The following LONP1 variants were observed in gnomAD, a reference collection of about 807,000 sequenced individuals.
LONP1 encodes the protein lon peptidase 1, mitochondrial.
LONP1 carries 31 observed loss-of-function variants against 98.5 expected under a neutral mutation model. The observed-to-expected ratio is 0.31, with a 90% confidence interval of 0.24 to 0.42. LONP1 has a LOEUF of 0.42. LONP1 is among the 20% of genes least tolerant of loss of function. LONP1 has a pLI of 1.00. For synonymous variants in LONP1, 781 were observed against 594.7 expected, an observed-to-expected ratio of 1.31 and a Z score of -4.56; for missense variants, 1,336 against 1,350.6, an observed-to-expected ratio of 0.99 and a Z score of 0.17.
In LONP1 at chr19:5,708,309, C is replaced by T. The variant is rs755601868; in HGVS notation, c.932+33G>A. ...CTGCAGAAAGAGCTGCAGAGATGCC[C>T]CCGCCTGGCCAGCTGCCCGCACAGA... On this transcript the variant is annotated intron_variant, in intron 5 of 17. Coordinates refer to ENST00000360614, the MANE Select transcript of LONP1 (RefSeq NM_004793.4). 5 of 1,594,482 alleles carry T rather than the reference C, an allele frequency of 3.1e-6. No homozygotes were observed. In the South Asian group the frequency reaches 4.4e-5, roughly 14 times the overall value.
At chr19:5,716,262 AT>A in intron 1 of LONP1, among the ~76,000 whole-genome samples, 1 of 21,030 alleles carries the variant, frequency 4.8e-5, no homozygotes. Context: ...AAATATACAT[AT>A]ATATATATAT....
chr19:5,708,451 GGGGGT>G, intron 4 of LONP1, 48 bp from the exon 5 acceptor site: 1 of 1,432,536 alleles, frequency 7.0e-7, no homozygotes, highest in Non-Finnish European at 9.7e-7. Context: ...TGCTCCAGCA[GGGGGT>G]GGGCTGGGTG....
chr19:5,716,857 G>A (rs909791142), intron 1 of LONP1, among the ~76,000 whole-genome samples: 4 of 152,132 alleles, frequency 2.6e-5, no homozygotes, highest in Non-Finnish European at 5.9e-5. Context: ...GCAGTGGAGC[G>A]ATCTCAGCTC....
intron 8 of LONP1, among the ~76,000 whole-genome samples, chr19:5,701,475 C>G (rs906901942): frequency 1.3e-5 from 2 of 152,186 alleles, no homozygotes; most frequent in East Asian, 1.9e-4. Flanking sequence ...CGATTGCAGG[C>G]GCGCGCCGCC....
upstream of LONP1, chr19:5,720,238 A>T: frequency 1.5e-6 from 2 of 1,366,064 alleles, no homozygotes; most frequent in South Asian, 3.4e-5. Flanking sequence ...GCGTGGCTCG[A>T]AACAGCCGCT....
chr19:5,716,950 C>G (rs543226159), intron 1 of LONP1, among the ~76,000 whole-genome samples: 4 of 152,246 alleles, frequency 2.6e-5, no homozygotes, highest in African/African-American at 9.6e-5. Context: ...CCCACCACCA[C>G]TCCAGGCTAA....
chr19:5,703,512 G>T (rs1456981112), intron 8 of LONP1, among the ~76,000 whole-genome samples: 2 of 152,090 alleles, frequency 1.3e-5, no homozygotes, highest in African/African-American at 4.8e-5. Flanking sequence ...GTCAGTGAGG[G>T]CTGCAAGAGC....
intron 8 of LONP1, 51 bp from the exon 9 acceptor site, chr19:5,700,978 T>A: frequency 6.2e-7 from 1 of 1,608,548 alleles, no homozygotes; most frequent in Non-Finnish European, 8.5e-7. Context: ...GAGCTGCCTG[T>A]CTCTCTGCTG....
At position 5,693,711 on chromosome 19, in the gene LONP1, C is replaced by T. The variant is rs1489816182; in HGVS notation, c.2379G>A (p.Lys793=). 5.0e-6 allele frequency: 8 copies of T among 1,613,950 alleles called. No homozygotes were observed. The African/African-American group carries it at 1.1e-4, about 22-fold the overall frequency. Residue 793 remains lysine, a synonymous_variant, in exon 16 of 18, where the codon AAG becomes AAA. Transcript: ENST00000360614. ...CCTCCAGGCTGCCATCCTTGTCACC[C>T]TTGGCATCCTTGTCCTGTGGCCGTC... ...SLRRPQDKDA[K]GDKDGSLEVT... is the part of the protein sequence containing the mutation.
chr19:5,694,829 G>C lies in LONP1; in HGVS notation c.2086C>G (p.Leu696Val). ...ESKAKLSSDV[L>V]TLLIKQYCRE... Reference sequence around the variant, plus strand: ...CAGTACTGCTTGATGAGCAGCGTCAGCACGTCCGATGACAGCTTGGCCTTG... The same window carrying C: ...CAGTACTGCTTGATGAGCAGCGTCACCACGTCCGATGACAGCTTGGCCTTG... Residue 696 changes from leucine to valine, a missense_variant, in exon 14 of 18, where the codon CTG (leucine) becomes GTG (valine). Transcript: ENST00000360614. The C allele has an allele frequency of 1.2e-6, 2 of 1,603,140 alleles. No individual in the cohort carries two copies. Among genetic ancestry groups the C allele is most frequent in the South Asian group, 1.1e-5 (1 of 90,890 alleles).
chr19:5,716,687 A>G (rs2055329839), intron 1 of LONP1, among the ~76,000 whole-genome samples: 1 of 152,160 alleles, frequency 6.6e-6, no homozygotes. Context: ...AGGAAAAATT[A>G]GCATTTGGAC....
At chr19:5,695,606 G>A (rs56185761) in intron 13 of LONP1, among the ~76,000 whole-genome samples, 31,177 of 152,090 alleles carry the variant, frequency 0.2, 3,403 homozygotes, top group Middle Eastern at 0.33. Context: ...GGGGAGAAAT[G>A]CACTCAGCAC....
chr19:5,706,261 T>C (rs910414434), intron 7 of LONP1, among the ~76,000 whole-genome samples: 9 of 150,830 alleles, frequency 6.0e-5, no homozygotes, highest in African/African-American at 2.0e-4. Context: ...CTTAGCCTCC[T>C]GAGTAACTGG....
At chr19:5,707,427 G>A (rs1364429550) in intron 6 of LONP1, among the ~76,000 whole-genome samples, 2 of 152,200 alleles carry the variant, frequency 1.3e-5, no homozygotes, top group African/African-American at 4.8e-5. Flanking sequence ...CGGCCCAGAG[G>A]ATCCCACTGA....
At position 5,719,698 on chromosome 19, in the gene LONP1, C is replaced by T. The variant is rs1568331768; in HGVS notation, c.429+6G>A. On this transcript the variant is annotated splice_donor_region_variant and intron_variant, in intron 1 of 17. Coordinates refer to ENST00000360614, the MANE Select transcript of LONP1 (RefSeq NM_004793.4). ...AACCTGAGGCCGAGGCGGGGACTCC[C>T]ATTACCTCGATAATCTTGATAAAGC... 6.2e-7 allele frequency: 1 copy of T among 1,613,796 alleles called. No individual in the cohort carries two copies. The highest frequency in any genetic ancestry group is 2.2e-5 in the East Asian group (1 of 44,882).
At chr19:5,695,411 G>T (rs1375565454) in intron 13 of LONP1, among the ~76,000 whole-genome samples, 1 of 152,060 alleles carries the variant, frequency 6.6e-6, no homozygotes, top group Non-Finnish European at 1.5e-5. Flanking sequence ...GGGCACTCCT[G>T]ATGCCCTGAG....
upstream of LONP1, chr19:5,720,215 G>A: frequency 4.3e-6 from 6 of 1,383,666 alleles, no homozygotes; most frequent in Non-Finnish European, 5.6e-6. Flanking sequence ...GCGTGCCTCG[G>A]TACCCGATGG....
chr19:5,693,584 C>G lies in LONP1; in HGVS notation c.2506G>C (p.Val836Leu). The G allele has an allele frequency of 6.2e-7, 1 of 1,614,086 alleles. No individual in the cohort carries two copies. Among genetic ancestry groups the G allele is most frequent in the Non-Finnish European group, 8.5e-7 (1 of 1,180,002 alleles). The change falls in exon 16 of 18, where the codon GTG becomes CTG. Residue 836 changes from valine to leucine, a missense_variant. Coordinates refer to ENST00000360614, the MANE Select transcript of LONP1 (RefSeq NM_004793.4). ...ACATGCAGGTGGATGTGTGAGGTCA[C>G]CAGGTAGTCATTGGCGGGGGCGTGC... ...MQHAPANDYL[V>L]TSHIHLHVPE...
chr19:5,695,736 G>A (rs1405204445), intron 13 of LONP1, among the ~76,000 whole-genome samples: 1 of 152,166 alleles, frequency 6.6e-6, no homozygotes, highest in Non-Finnish European at 1.5e-5. Context: ...CCGGCTGCCA[G>A]AAACCTTCCC....
Sources: allele counts gnomAD v4.1 joint callset (sites outside exome capture counted in the v4.1 genomes callset), GRCh38; gene constraint gnomAD v4.1.1; transcripts MANE v1.5; gene names NCBI Gene and HGNC (gene_info 2026-07-23, HGNC 2026-07-21).